Variants in RAF1 observed in about 807,000 individuals in gnomAD.
RAF1 encodes the protein Raf-1 proto-oncogene, serine/threonine kinase.
A neutral mutation model predicts 81.1 loss-of-function variants in RAF1; 27 were observed. The ratio of observed to expected loss-of-function variants is 0.33; its 90% confidence interval spans 0.25 to 0.46. The LOEUF (loss-of-function observed/expected upper bound fraction) is 0.46. RAF1 is among the 20% of genes least tolerant of loss of function. The pLI, the probability that RAF1 is intolerant of heterozygous loss-of-function variation, is 1.00. For missense variants in RAF1, 598 were observed against 826.0 expected (o/e 0.72, Z 3.38); for synonymous variants, 298 against 294.0 (o/e 1.01, Z -0.14).
intron 1 of RAF1, among the ~76,000 whole-genome samples, chr3:12,654,297 T>C (rs2060619961): frequency 6.6e-6 from 1 of 150,956 alleles, no homozygotes; most frequent in South Asian, 2.2e-4. Flanking sequence ...CCTAAATACA[T>C]TATAGAATAA....
intron 1 of RAF1, among the ~76,000 whole-genome samples, chr3:12,633,934 C>CAAAAAAAAA (rs35322613): frequency 1.0e-5 from 1 of 95,542 alleles, no homozygotes; most frequent in African/African-American, 3.7e-5. Flanking sequence ...AAAACTCTCT[C>CAAAAAAAAA]AAAAAAAAAA....
rs562252507 is a variant in RAF1, at chr3:12,636,669, T to C, written c.-26-17922A>G. Among the ~76,000 whole-genome samples, 7 of 151,978 alleles carry C rather than the reference T, an allele frequency of 4.6e-5. No individual in the cohort carries two copies. The South Asian group carries it at 6.3e-4, about 14-fold the overall frequency. On this transcript the variant is annotated intron_variant, in intron 1 of 17. Coordinates refer to ENST00000442415, the MANE Select transcript of RAF1 (RefSeq NM_001354689.3). ...AAAAAATACAAAAATTAGCCAGGCA[T>C]GGTGGCTTGCACCTGTAGTCCCAGC...
intron 6 of RAF1, among the ~76,000 whole-genome samples, chr3:12,604,961 G>A (rs965182644): frequency 6.6e-6 from 1 of 152,128 alleles, no homozygotes; most frequent in African/African-American, 2.4e-5. Context: ...TAACACCCAT[G>A]TATGAATTAA....
At chr3:12,655,834 G>A (rs748325723) in intron 1 of RAF1, among the ~76,000 whole-genome samples, 10 of 152,082 alleles carry the variant, frequency 6.6e-5, no homozygotes, top group Admixed American at 3.3e-4. Context: ...AGGCCAGATA[G>A]TGTATGACTC....
At chr3:12,626,190 G>T (rs946167786) in intron 1 of RAF1, among the ~76,000 whole-genome samples, 1 of 147,178 alleles carries the variant, frequency 6.8e-6, no homozygotes, top group African/African-American at 2.5e-5. Context: ...GTTGCAGTGA[G>T]CCAAGATAGC....
At chr3:12,601,018 CT>C (rs946793426) in intron 8 of RAF1, among the ~76,000 whole-genome samples, 1 of 152,162 alleles carries the variant, frequency 6.6e-6, no homozygotes, top group African/African-American at 2.4e-5. Context: ...AGGCTCAAAA[CT>C]TTTTTTAAAA....
At chr3:12,610,979 G>A (rs948433549) in intron 3 of RAF1, among the ~76,000 whole-genome samples, 4 of 151,914 alleles carry the variant, frequency 2.6e-5, no homozygotes, top group East Asian at 1.9e-4. Flanking sequence ...CTATCAAACA[G>A]CAGGGATTAG....
At chr3:12,656,977 A>G (rs1209658944) in intron 1 of RAF1, among the ~76,000 whole-genome samples, 4 of 151,100 alleles carry the variant, frequency 2.6e-5, no homozygotes, top group Non-Finnish European at 5.9e-5. Context: ...AGCCTTTGTG[A>G]TAAGAGTGAA....
intron 1 of RAF1, among the ~76,000 whole-genome samples, chr3:12,652,799 A>C (rs1241363167): frequency 6.6e-6 from 1 of 151,356 alleles, no homozygotes; most frequent in African/African-American, 2.4e-5. Context: ...AATACAAAAA[A>C]TTAGCCAGGT....
intron 13 of RAF1, chr3:12,589,436 C>T (rs2058432138): frequency 6.6e-6 from 1 of 152,168 alleles, no homozygotes. Context: ...CTTGCAAGCA[C>T]AGCTATAGCT....
At position 12,625,992 on chromosome 3, in the gene RAF1, G is replaced by A. The variant is rs1245686077; in HGVS notation, c.-26-7245C>T. On this transcript the variant is annotated intron_variant, in intron 1 of 17. Transcript: ENST00000442415. ...CATTAAAAAAAAAAGTAGGCCGGGC[G>A]CAGTGGCTCACGCCTGTAATCCCAG... Among the ~76,000 whole-genome samples the A allele has an allele frequency of 2.0e-5, 3 of 151,740 alleles. No individual in the cohort carries two copies. The South Asian group carries it at 6.2e-4, about 31-fold the overall frequency.
At chr3:12,632,120 G>A (rs556793438) in intron 1 of RAF1, among the ~76,000 whole-genome samples, 23 of 116,188 alleles carry the variant, frequency 2.0e-4, no homozygotes, top group Admixed American at 4.0e-4. Context: ...GAGGTCAGTA[G>A]TTCGAGACCA....
At chr3:12,635,303 AGG>A (rs2059983944) in intron 1 of RAF1, among the ~76,000 whole-genome samples, 1 of 98,708 alleles carries the variant, frequency 1.0e-5, no homozygotes, top group African/African-American at 4.1e-5. Flanking sequence ...TGGGTGACAG[AGG>A]GAGACCCTGT....
chr3:12,584,354 G>A lies in RAF1; in HGVS notation c.*160C>T, dbSNP rs5746246. 636 of 874,802 alleles carry A rather than the reference G, an allele frequency of 7.3e-4. 5 individuals carry two copies. In the African/African-American group the frequency reaches 9.5e-3, roughly 13 times the overall value. 54.2% of individuals were successfully genotyped at this position (874,802 alleles called of 1,614,324 possible). A position where few individuals can be genotyped will look rare whatever the true frequency, so the allele number is the denominator to read the frequency against. Reference sequence around the variant, plus strand: ...TCCCAGGGCCCAAAGGGATAGAAAAGAAGGCAACATGAAGTTAAGGCCCTG... The same window carrying A: ...TCCCAGGGCCCAAAGGGATAGAAAAAAAGGCAACATGAAGTTAAGGCCCTG... On this transcript the variant is annotated 3_prime_UTR_variant, in exon 18 of 18. Transcript: ENST00000442415.
intron 1 of RAF1, among the ~76,000 whole-genome samples, chr3:12,626,469 T>C (rs1468167585): frequency 6.6e-6 from 1 of 151,386 alleles, no homozygotes; most frequent in Non-Finnish European, 1.5e-5. Context: ...CATGCACCTG[T>C]AGACCCAGCT....
At chr3:12,655,094 TATTTA>T (rs2060648254) in intron 1 of RAF1, among the ~76,000 whole-genome samples, 1 of 152,032 alleles carries the variant, frequency 6.6e-6, no homozygotes, top group African/African-American at 2.4e-5. Flanking sequence ...GTTGTTATTT[TATTTA>T]TTTATTTTTT....
At chr3:12,597,694 C>T (rs564669068) in intron 11 of RAF1, among the ~76,000 whole-genome samples, 1 of 152,122 alleles carries the variant, frequency 6.6e-6, no homozygotes, top group South Asian at 2.1e-4. Context: ...GCAGGCGGAT[C>T]GCTTGAGCTC....
chr3:12,652,229 TAAATAA>T, intron 1 of RAF1, among the ~76,000 whole-genome samples: 1 of 148,920 alleles, frequency 6.7e-6, no homozygotes, highest in African/African-American at 2.5e-5. Context: ...AAAACAATAA[TAAATAA>T]AAATAGGCCA....
intron 14 of RAF1, among the ~76,000 whole-genome samples, chr3:12,586,418 A>G (rs5746238): frequency 0.015 from 2,247 of 152,308 alleles, 32 homozygotes; most frequent in Admixed American, 0.045. Context: ...AAAATTAAAA[A>G]AGAACAAAAA....
Sources: allele counts gnomAD v4.1 joint callset (sites outside exome capture counted in the v4.1 genomes callset), GRCh38; gene constraint gnomAD v4.1.1; transcripts MANE v1.5; gene names NCBI Gene and HGNC (gene_info 2026-07-23, HGNC 2026-07-21).